Variants in COX7B2 observed in about 807,000 individuals in gnomAD.
The protein encoded by COX7B2 is cytochrome c oxidase subunit 7B2, also known as cytochrome c oxidase subunit 7B2, mitochondrial.
For synonymous variants in COX7B2, 37 were observed against 32.1 expected (o/e 1.15, Z -0.51); for missense variants, 109 against 95.9 (o/e 1.14, Z -0.57).
chr4:46,851,101 C>A (rs1264322609), intron 1 of COX7B2, among the ~76,000 whole-genome samples: 1 of 152,028 alleles, frequency 6.6e-6, no homozygotes, highest in Non-Finnish European at 1.5e-5. Flanking sequence ...TATTAGAGAT[C>A]TTTTGGCCCA....
At chr4:46,804,011 A>G (rs182186935) in intron 2 of COX7B2, among the ~76,000 whole-genome samples, 60 of 151,854 alleles carry the variant, frequency 4.0e-4, no homozygotes, top group African/African-American at 1.4e-3. Flanking sequence ...GCATGTCTGG[A>G]GTTTGTTCCT....
intron 1 of COX7B2, among the ~76,000 whole-genome samples, chr4:46,900,550 C>T (rs1014674366): frequency 6.6e-6 from 1 of 152,010 alleles, no homozygotes; most frequent in Admixed American, 6.6e-5. Flanking sequence ...ATATGGGGCA[C>T]CTCAAATTCA....
intron 1 of COX7B2, among the ~76,000 whole-genome samples, chr4:46,859,587 ATATCTT>A (rs1426393869): frequency 6.6e-6 from 1 of 152,182 alleles, no homozygotes; most frequent in Non-Finnish European, 1.5e-5. Flanking sequence ...TGATTCCTCT[ATATCTT>A]TATCTGAATT....
intron 1 of COX7B2, among the ~76,000 whole-genome samples, chr4:46,880,752 C>A (rs1163775505): frequency 6.9e-6 from 1 of 145,072 alleles, no homozygotes; most frequent in African/African-American, 2.5e-5. Context: ...AACAAAAAAC[C>A]AAACACCGCA....
intron 1 of COX7B2, among the ~76,000 whole-genome samples, chr4:46,853,489 A>G (rs1290588761): frequency 6.6e-6 from 1 of 152,004 alleles, no homozygotes; most frequent in African/African-American, 2.4e-5. Context: ...GCTAGTCAAC[A>G]CTCCTGTAAA....
intron 2 of COX7B2, among the ~76,000 whole-genome samples, chr4:46,828,939 AT>A (rs757961916): frequency 2.0e-5 from 3 of 152,322 alleles, no homozygotes; most frequent in African/African-American, 7.2e-5. Context: ...AAATAAAAAA[AT>A]GTATTTCTCT....
intron 2 of COX7B2, among the ~76,000 whole-genome samples, chr4:46,816,276 C>T (rs1478101376): frequency 1.3e-5 from 2 of 152,144 alleles, no homozygotes; most frequent in Non-Finnish European, 2.9e-5. Context: ...TCTTTGCCAT[C>T]GTTAACATAT....
chr4:46,835,117 A>G (rs993935955), intron 2 of COX7B2, among the ~76,000 whole-genome samples: 14 of 152,126 alleles, frequency 9.2e-5, no homozygotes, highest in African/African-American at 3.1e-4. Context: ...TACTTATGAT[A>G]TTGATGGGGA....
intron 2 of COX7B2, among the ~76,000 whole-genome samples, chr4:46,819,191 T>C (rs1028228743): frequency 6.6e-6 from 1 of 152,174 alleles, no homozygotes; most frequent in Non-Finnish European, 1.5e-5. Flanking sequence ...CAAAAAAATC[T>C]ATAAAATGAG....
intron 2 of COX7B2, among the ~76,000 whole-genome samples, chr4:46,814,494 C>T (rs181308950): frequency 2.5e-4 from 38 of 152,162 alleles, no homozygotes; most frequent in Middle Eastern, 3.4e-3. Context: ...AACTATACAA[C>T]ATTTATAGCC....
intron 1 of COX7B2, among the ~76,000 whole-genome samples, chr4:46,889,899 G>GTTTTTTTTTTT (rs35632610): frequency 7.1e-6 from 1 of 140,258 alleles, no homozygotes; most frequent in Non-Finnish European, 1.6e-5. Context: ...TTTCAGTATG[G>GTTTTTTTTTTT]TTTTTTTTTT....
intron 1 of COX7B2, among the ~76,000 whole-genome samples, chr4:46,858,022 C>G (rs748181475): frequency 2.6e-5 from 4 of 152,116 alleles, no homozygotes; most frequent in Non-Finnish European, 5.9e-5. Context: ...TTTTGAATAA[C>G]TTTATTACAT....
chr4:46,857,898 T>C lies in COX7B2; in HGVS notation c.-104-12884A>G, dbSNP rs1040859125. On this transcript the variant is annotated intron_variant, in intron 1 of 2. Coordinates refer to ENST00000355591, the MANE Select transcript of COX7B2 (RefSeq NM_130902.3). Reference sequence around the variant, plus strand: ...GTTTTGTTTCTCTGTGTTTCTCTTCTTTATAGTCTAAAATGTATTCTACTG... The same window carrying C: ...GTTTTGTTTCTCTGTGTTTCTCTTCCTTATAGTCTAAAATGTATTCTACTG... 5.9e-5 allele frequency among the ~76,000 whole-genome samples: 9 copies of C among 152,342 alleles called. No homozygotes were observed. In the South Asian group the frequency reaches 1.9e-3, roughly 32 times the overall value.
chr4:46,856,652 A>C (rs1163808832), intron 1 of COX7B2, among the ~76,000 whole-genome samples: 1 of 152,154 alleles, frequency 6.6e-6, no homozygotes. Flanking sequence ...ACAGTTTTTC[A>C]TCCTAGAAAG....
chr4:46,835,866 C>T (rs904044826), intron 2 of COX7B2, among the ~76,000 whole-genome samples: 8 of 152,286 alleles, frequency 5.3e-5, no homozygotes, highest in African/African-American at 1.7e-4. Flanking sequence ...ATATGATACA[C>T]GCTACTGCTC....
chr4:46,830,324 C>CAAAAAA (rs201868075), intron 2 of COX7B2, among the ~76,000 whole-genome samples: 85 of 81,478 alleles, frequency 1.0e-3, no homozygotes, highest in African/African-American at 1.1e-3. Flanking sequence ...ACTCTGTCTC[C>CAAAAAA]AAAAAAAAAA....
At chr4:46,745,560 GATTC>G (rs1375765380) in intron 2 of COX7B2, among the ~76,000 whole-genome samples, 1 of 151,830 alleles carries the variant, frequency 6.6e-6, no homozygotes, top group Admixed American at 6.6e-5. Context: ...TTCCCCCTTG[GATTC>G]ATTATTTGTA....
At chr4:46,908,764 G>A (rs1387492755) in intron 1 of COX7B2, among the ~76,000 whole-genome samples, 1 of 108,498 alleles carries the variant, frequency 9.2e-6, no homozygotes, top group Non-Finnish European at 2.2e-5. Flanking sequence ...AAATCTGGCC[G>A]GGCGCAGTGG....
chr4:46,828,170 C>T (rs927345603), intron 2 of COX7B2, among the ~76,000 whole-genome samples: 1 of 151,930 alleles, frequency 6.6e-6, no homozygotes, highest in African/African-American at 2.4e-5. Context: ...AACTTCTGCT[C>T]AATGTAAAGT....
Sources: allele counts gnomAD v4.1 joint callset (sites outside exome capture counted in the v4.1 genomes callset), GRCh38; gene constraint gnomAD v4.1.1; transcripts MANE v1.5; gene names NCBI Gene and HGNC (gene_info 2026-07-23, HGNC 2026-07-21).